The following ANO10 variants were observed in gnomAD, a reference collection of about 807,000 sequenced individuals.
ANO10 encodes the protein anoctamin-10.
In ANO10, 77 loss-of-function variants were observed where a neutral mutation model predicts 74.7. That is an observed-to-expected ratio of 1.03 (90% CI 0.86 to 1.25). The LOEUF (loss-of-function observed/expected upper bound fraction) is 1.25, where lower values mean the gene tolerates loss of function less well. Ranked by LOEUF, ANO10 falls within the 50% of genes most tolerant of loss-of-function variation. The pLI is 0.00. For synonymous variants in ANO10, 279 were observed against 284.9 expected (o/e 0.98, Z 0.21); for missense variants, 721 against 778.1 (o/e 0.93, Z 0.87).
rs190514328 is a variant in ANO10, at chr3:43,465,301, C to T, written c.1798-32574G>A. Among the ~76,000 whole-genome samples, 4 of 152,254 alleles carry T rather than the reference C, an allele frequency of 2.6e-5. No homozygotes were observed. The East Asian group carries it at 7.7e-4, about 29-fold the overall frequency. The stretch of plus-strand genomic sequence containing the variant: ...ACATCATAGACAGTATTTACACAAA[C>T]CTAGACAGTCTACCACACCTAGGCC... On this transcript the variant is annotated intron_variant, in intron 11 of 12. Transcript: ENST00000292246.
At chr3:43,563,141 A>G (rs2080129885) in intron 8 of ANO10, among the ~76,000 whole-genome samples, 1 of 152,216 alleles carries the variant, frequency 6.6e-6, no homozygotes, top group Non-Finnish European at 1.5e-5. Context: ...AAATAATCCC[A>G]TTAAAGTAGG....
chr3:43,510,126 A>G (rs2077453672), intron 11 of ANO10, among the ~76,000 whole-genome samples: 1 of 152,112 alleles, frequency 6.6e-6, no homozygotes, highest in Admixed American at 6.6e-5. Flanking sequence ...TATACATGTG[A>G]CAAAACTGTA....
chr3:43,682,239 A>G (rs2084211768), intron 1 of ANO10, among the ~76,000 whole-genome samples: 1 of 152,232 alleles, frequency 6.6e-6, no homozygotes, highest in South Asian at 2.1e-4. Context: ...AAAAAATGAT[A>G]AAGGGGATAT....
rs2081047722 is a variant in ANO10, at chr3:43,577,128, C to T, written c.726G>A (p.Lys242=). The change falls in exon 6 of 13, where the codon AAG becomes AAA. Residue 242 remains lysine (K), a synonymous_variant. Coordinates refer to ENST00000292246, the MANE Select transcript of ANO10 (RefSeq NM_018075.5). Reference sequence around the variant, plus strand: ...GGTTGAACGAGGCAAAGATCACGTACTTGTCATAGTCTTCCCACACAAACA... The same window carrying T: ...GGTTGAACGAGGCAAAGATCACGTATTTGTCATAGTCTTCCCACACAAACA... ...YYLFVWEDYD[K]YVIFASFNLI... 1.2e-6 allele frequency: 2 copies of T among 1,614,066 alleles called. No individual in the cohort carries two copies. Among genetic ancestry groups the T allele is most frequent in the Non-Finnish European group, 1.7e-6 (2 of 1,180,034 alleles).
chr3:43,382,981 T>G (rs1024753125), intron 12 of ANO10, among the ~76,000 whole-genome samples: 5 of 152,146 alleles, frequency 3.3e-5, no homozygotes, highest in African/African-American at 1.2e-4. Flanking sequence ...TTGACATTAT[T>G]CCAAAAGATA....
chr3:43,658,968 A>T (rs2083889153), intron 1 of ANO10, among the ~76,000 whole-genome samples: 2 of 152,128 alleles, frequency 1.3e-5, no homozygotes, highest in African/African-American at 4.8e-5. Flanking sequence ...TAAAGCATTA[A>T]GTTGAATATT....
intron 11 of ANO10, among the ~76,000 whole-genome samples, chr3:43,477,128 T>C (rs1378006294): frequency 6.6e-6 from 1 of 152,230 alleles, no homozygotes; most frequent in Admixed American, 6.5e-5. Context: ...AGCCCTGTTA[T>C]TTATCTACTG....
At chr3:43,402,432 T>C (rs879588577) in intron 12 of ANO10, among the ~76,000 whole-genome samples, 9 of 152,304 alleles carry the variant, frequency 5.9e-5, no homozygotes, top group Admixed American at 1.3e-4. Flanking sequence ...ATACATAATA[T>C]TACTTTGCAT....
chr3:43,588,212 T>G (rs58310281), intron 4 of ANO10, among the ~76,000 whole-genome samples: 3,601 of 152,264 alleles, frequency 0.024, 143 homozygotes, highest in African/African-American at 0.081. Context: ...AGCTATTTTA[T>G]GTAAATTGTA....
At chr3:43,478,125 G>C (rs2076143293) in intron 11 of ANO10, among the ~76,000 whole-genome samples, 1 of 152,148 alleles carries the variant, frequency 6.6e-6, no homozygotes, top group Non-Finnish European at 1.5e-5. Context: ...AGGAAACTGA[G>C]GATCAGAGAG....
intron 9 of ANO10, among the ~76,000 whole-genome samples, chr3:43,560,834 T>C (rs930083294): frequency 4.6e-5 from 7 of 152,226 alleles, no homozygotes; most frequent in African/African-American, 1.4e-4. Context: ...AATGAGTCTC[T>C]ATCTTTTGTT....
intron 4 of ANO10, among the ~76,000 whole-genome samples, chr3:43,581,548 T>C (rs1197869087): frequency 6.6e-6 from 1 of 152,196 alleles, no homozygotes; most frequent in Non-Finnish European, 1.5e-5. Context: ...ATGCAGTGCC[T>C]TGTGCCATAT....
chr3:43,541,088 G>A (rs2078934412), intron 11 of ANO10, among the ~76,000 whole-genome samples: 2 of 152,068 alleles, frequency 1.3e-5, no homozygotes, highest in Non-Finnish European at 2.9e-5. Flanking sequence ...CTATTCAAAA[G>A]CACCCTAATC....
At chr3:43,510,580 G>C (rs952536586) in intron 11 of ANO10, among the ~76,000 whole-genome samples, 1 of 152,036 alleles carries the variant, frequency 6.6e-6, no homozygotes, top group African/African-American at 2.4e-5. Context: ...CACCATCCAG[G>C]AAACTAGGTA....
chr3:43,599,823 G>A (rs976334953), intron 3 of ANO10, among the ~76,000 whole-genome samples: 7 of 151,724 alleles, frequency 4.6e-5, no homozygotes, highest in Non-Finnish European at 7.4e-5. Context: ...GGAGAATGGC[G>A]TGAACCCGAG....
chr3:43,513,192 G>A (rs2077576730), intron 11 of ANO10, among the ~76,000 whole-genome samples: 1 of 152,120 alleles, frequency 6.6e-6, no homozygotes, highest in South Asian at 2.1e-4. Flanking sequence ...GTTCACACAG[G>A]ACTGAGAACA....
chr3:43,442,454 A>G (rs1411765386), intron 11 of ANO10, among the ~76,000 whole-genome samples: 2 of 152,176 alleles, frequency 1.3e-5, no homozygotes, highest in African/African-American at 4.8e-5. Flanking sequence ...GAATAAAAAT[A>G]CTAAAATACT....
intron 1 of ANO10, among the ~76,000 whole-genome samples, chr3:43,659,398 G>T (rs1469762637): frequency 6.6e-6 from 1 of 152,180 alleles, no homozygotes; most frequent in East Asian, 1.9e-4. Context: ...CAGACCAGGA[G>T]ATCCCCTCCC....
At chr3:43,685,504 T>C (rs2084263758) in intron 1 of ANO10, among the ~76,000 whole-genome samples, 1 of 152,232 alleles carries the variant, frequency 6.6e-6, no homozygotes, top group South Asian at 2.1e-4. Context: ...CAAACATCTT[T>C]TTATGTGTCT....
Sources: allele counts gnomAD v4.1 joint callset (sites outside exome capture counted in the v4.1 genomes callset), GRCh38; gene constraint gnomAD v4.1.1; transcripts MANE v1.5; gene names NCBI Gene and HGNC (gene_info 2026-07-23, HGNC 2026-07-21).